MDN1: variants seen among roughly 807,000 people sequenced by gnomAD.
The protein encoded by MDN1 is midasin AAA ATPase 1, also known as midasin.
Under a neutral mutation model 669.2 loss-of-function variants are expected in MDN1, and 266 were observed. The observed-to-expected ratio is 0.40, with a 90% CI of 0.36 to 0.44. The LOEUF is 0.44. Among genes scored for constraint, MDN1 ranks in the 20% least tolerant of loss-of-function variants. The pLI is 1.00. For synonymous variants in MDN1, 2,385 were observed against 2,457.1 expected (o/e 0.97, Z 0.87); for missense variants, 5,940 against 6,754.0 (o/e 0.88, Z 4.22).
At chr6:89,803,895 C>CTTTTTTT (rs56246331) in intron 1 of MDN1, among the ~76,000 whole-genome samples, 30 of 76,386 alleles carry the variant, frequency 3.9e-4, no homozygotes, top group Non-Finnish European at 6.1e-4. Context: ...CTTTTCTTTT[C>CTTTTTTT]TTTTTTTTTT....
At chr6:89,670,050 A>C (rs936705878) in intron 83 of MDN1, among the ~76,000 whole-genome samples, 1 of 148,896 alleles carries the variant, frequency 6.7e-6, no homozygotes, top group East Asian at 2.1e-4. Flanking sequence ...TAAAAATACA[A>C]AAATTAGCCA....
intron 1 of MDN1, among the ~76,000 whole-genome samples, chr6:89,809,513 C>G (rs186730683): frequency 1.3e-4 from 19 of 151,916 alleles, no homozygotes; most frequent in African/African-American, 3.4e-4. Flanking sequence ...CAGTGGCTCA[C>G]TCTTGTAATC....
In MDN1 at chr6:89,796,839, C is replaced by T. The variant is rs568162498; in HGVS notation, c.330-2038G>A. 1.2e-4 allele frequency among the ~76,000 whole-genome samples: 18 copies of T among 150,076 alleles called. No homozygotes were observed. The South Asian group carries it at 3.2e-3, about 26-fold the overall frequency. On this transcript the variant is annotated intron_variant, in intron 2 of 101. Coordinates refer to ENST00000369393, the MANE Select transcript of MDN1 (RefSeq NM_014611.3). ...ATCCCAGCACTTTGGGAGGCTGAGG[C>T]GGGTGGATCACCTGAGGTCGGGAGT...
chr6:89,690,669 C>G lies in MDN1; in HGVS notation c.10749+4G>C, dbSNP rs761135456. 2 of 1,614,006 alleles carry G rather than the reference C, an allele frequency of 1.2e-6. No individual in the cohort carries two copies. Among genetic ancestry groups the G allele is most frequent in the Admixed American group, 3.3e-5 (2 of 60,020 alleles). On this transcript the variant is annotated splice_donor_region_variant and intron_variant, in intron 64 of 101. Transcript: ENST00000369393. ...CAAAACACACCCTGCCATCACTGCT[C>G]TACCTTTTCATGCAGGGGGAACTGT...
At chr6:89,817,671 C>T (rs923557147) in intron 1 of MDN1, among the ~76,000 whole-genome samples, 12 of 152,184 alleles carry the variant, frequency 7.9e-5, no homozygotes, top group Non-Finnish European at 1.0e-4. Context: ...TAACAACAGA[C>T]ATTAACAACG....
chr6:89,765,432 G>C (rs1443075649), intron 15 of MDN1, among the ~76,000 whole-genome samples: 2 of 152,120 alleles, frequency 1.3e-5, no homozygotes, highest in Non-Finnish European at 2.9e-5. Flanking sequence ...GTGAGAAATT[G>C]AACAAAATAT....
chr6:89,734,069 G>C (rs1226468715), intron 33 of MDN1, among the ~76,000 whole-genome samples: 1 of 151,746 alleles, frequency 6.6e-6, no homozygotes, highest in Non-Finnish European at 1.5e-5. Flanking sequence ...CAGATCACTA[G>C]AGGCCAGGAG....
chr6:89,811,266 G>A (rs1584407987), intron 1 of MDN1, among the ~76,000 whole-genome samples: 4 of 152,200 alleles, frequency 2.6e-5, no homozygotes, highest in Admixed American at 2.0e-4. Context: ...AGCTAGGCTA[G>A]GATACCTGTA....
chr6:89,649,700 A>G (rs1808720663), intron 97 of MDN1, among the ~76,000 whole-genome samples: 2 of 152,216 alleles, frequency 1.3e-5, no homozygotes, highest in South Asian at 2.1e-4. Context: ...CAAAACAAGC[A>G]CTATCAGATT....
Position 89,673,244 on chromosome 6 carries a change from C to T in MDN1, c.13466G>A (p.Ser4489Asn). ...TWKTHLLTSD[S>N]QGGNQMLDEG... Reference sequence around the variant, plus strand: ...TGAACAATATTCCTTACCTCCTTGGCTATCTGAAGTAAGCAGATGGGTCTT... The same window carrying T: ...TGAACAATATTCCTTACCTCCTTGGTTATCTGAAGTAAGCAGATGGGTCTT... Residue 4489 changes from serine (S) to asparagine (N), a missense_variant, in exon 80 of 102, where the codon AGC becomes AAC. Physicochemically the swap from Ser to Asn is conservative, Grantham distance 46. Coordinates refer to ENST00000369393, the MANE Select transcript of MDN1 (RefSeq NM_014611.3). 1 of 1,613,118 alleles carries T rather than the reference C, an allele frequency of 6.2e-7. No homozygotes were observed. Among genetic ancestry groups the T allele is most frequent in the Non-Finnish European group, 8.5e-7 (1 of 1,179,006 alleles).
chr6:89,797,372 C>CAA (rs36015348), intron 2 of MDN1, among the ~76,000 whole-genome samples: 30,608 of 97,070 alleles, frequency 0.32, 4,975 homozygotes, highest in Middle Eastern at 0.37. Context: ...GACTCCATCT[C>CAA]AAAAAAAAAA....
rs769459324 is a variant in MDN1 at position 89,740,363 on chromosome 6, T to A, written c.4464A>T (p.Glu1488Asp). The change falls in exon 32 of 102, where the codon GAA becomes GAT. Residue 1488 changes from glutamate (E) to aspartate (D), a missense_variant. Coordinates refer to ENST00000369393, the MANE Select transcript of MDN1 (RefSeq NM_014611.3). ...CTTTTTCAGCTAATACCAGAGACTT[T>A]TCTACTTCAAGGACACTAAAAGAAA... ...LERLNSVLEV[E>D]KSLVLAEKGS... 1.3e-6 allele frequency: 2 copies of A among 1,585,544 alleles called. No individual in the cohort carries two copies. Among genetic ancestry groups the A allele is most frequent in the Non-Finnish European group, 1.7e-6 (2 of 1,172,156 alleles).
chr6:89,670,626 G>T (rs1464356989), intron 83 of MDN1, among the ~76,000 whole-genome samples: 2 of 152,186 alleles, frequency 1.3e-5, no homozygotes, highest in Non-Finnish European at 2.9e-5. Flanking sequence ...GGAAGGGAAG[G>T]GTGTTAACAG....
At chr6:89,646,516 T>C (rs375748257) in intron 100 of MDN1, 24 bp downstream of exon 100, 26 of 1,609,944 alleles carry the variant, frequency 1.6e-5, no homozygotes, top group Admixed American at 8.4e-5. Flanking sequence ...ATTTTGTTAA[T>C]GAAGAGGAAG....
rs1166886911 is a variant in MDN1 at position 89,672,803 on chromosome 6, G to A, written c.13475-101C>T. The A allele has an allele frequency of 3.1e-6, 4 of 1,295,398 alleles. No homozygotes were observed. In the African/African-American group the frequency reaches 4.5e-5, roughly 14 times the overall value. 80.2% of individuals were successfully genotyped at this position (1,295,398 alleles called of 1,614,324 possible). A position where few individuals can be genotyped will look rare whatever the true frequency, so the allele number is the denominator to read the frequency against. ...ATTAAAAATACTCATTTATTGATGA[G>A]CCACTGTGTCAAGCTGTGCCAGATA... On this transcript the variant is annotated intron_variant, in intron 80 of 101. Transcript: ENST00000369393.
intron 74 of MDN1, among the ~76,000 whole-genome samples, chr6:89,679,777 G>C (rs542109350): frequency 7.6e-4 from 116 of 152,324 alleles, no homozygotes; most frequent in Non-Finnish European, 1.4e-3. Context: ...CCAAATATAG[G>C]CAGTCACCAG....
intron 53 of MDN1, among the ~76,000 whole-genome samples, chr6:89,702,927 G>A (rs897824765): frequency 6.4e-5 from 9 of 141,718 alleles, no homozygotes; most frequent in African/African-American, 2.4e-4. Context: ...TGTGAGGTAG[G>A]GGTAAAGGCC....
chr6:89,758,942 C>G lies in MDN1; in HGVS notation c.2479G>C (p.Val827Leu). The G allele has an allele frequency of 6.2e-7, 1 of 1,613,738 alleles. No individual in the cohort carries two copies. Among genetic ancestry groups the G allele is most frequent in the Non-Finnish European group, 8.5e-7 (1 of 1,179,660 alleles). The change falls in exon 18 of 102, where the codon GTA (valine) becomes CTA (leucine). Residue 827 changes from valine to leucine, a missense_variant. This residue lies in a region of MDN1 where 1,203 missense variants were observed against 1,268.9 expected (regional missense o/e 0.95). Coordinates refer to ENST00000369393, the MANE Select transcript of MDN1 (RefSeq NM_014611.3). ...AACAAGATCCACTCTCCTTTCTTTACAGCCTGAGCTAATGTACCCTAGAAA... is the reference window on the plus strand; with the variant it reads ...AACAAGATCCACTCTCCTTTCTTTAGAGCCTGAGCTAATGTACCCTAGAAA... The part of the protein sequence containing the change: ...AFVEGTLAQA[V>L]KKGEWILLDE...
chr6:89,658,856 T>C lies in MDN1; in HGVS notation c.14775A>G (p.Arg4925=). 6.2e-7 allele frequency: 1 copy of C among 1,614,252 alleles called. No homozygotes were observed. The highest frequency in any genetic ancestry group is 8.5e-7 in the Non-Finnish European group (1 of 1,180,054). Residue 4925 remains arginine (R), a synonymous_variant, in exon 89 of 102, where the codon AGA becomes AGG. Coordinates refer to ENST00000369393, the MANE Select transcript of MDN1 (RefSeq NM_014611.3). ...PEEAGHEAEE[R]GETETDQNES... ...CGTTCTGGTCGGTCTCGGTCTCTCCTCTTTCCTCAGCTTCATGACCTGCTT... is the reference window on the plus strand; with the variant it reads ...CGTTCTGGTCGGTCTCGGTCTCTCCCCTTTCCTCAGCTTCATGACCTGCTT...
Sources: gnomAD v4.1 joint callset for allele counts (sites outside exome capture counted in the v4.1 genomes callset) on GRCh38, gnomAD v4.1.1 for gene constraint, gnomAD v4.1.1 regional missense constraint, MANE v1.5 for transcripts, NCBI Gene and HGNC (gene_info 2026-07-23, HGNC 2026-07-21) for gene names.